Variants in LSAMP observed in about 807,000 individuals in gnomAD.
The protein encoded by LSAMP is limbic system associated membrane protein, also known as limbic system-associated membrane protein.
LSAMP carries 7 observed loss-of-function variants against 38.6 expected under a neutral mutation model. The ratio of observed to expected loss-of-function variants is 0.18; its 90% confidence interval spans 0.10 to 0.34. LSAMP has a LOEUF of 0.34. LSAMP is among the 10% of genes least tolerant of loss of function. The pLI is 1.00. For missense variants in LSAMP, 313 were observed against 420.0 expected (o/e 0.75, Z 2.23); for synonymous variants, 154 against 166.8 (o/e 0.92, Z 0.59).
intron 3 of LSAMP, among the ~76,000 whole-genome samples, chr3:115,958,101 C>A (rs1426537076): frequency 6.6e-6 from 1 of 152,130 alleles, no homozygotes; most frequent in Non-Finnish European, 1.5e-5. Flanking sequence ...TATGCACACA[C>A]ACATACATAC....
At chr3:116,395,973 T>C (rs1300729663) in intron 1 of LSAMP, among the ~76,000 whole-genome samples, 1 of 152,186 alleles carries the variant, frequency 6.6e-6, no homozygotes, top group Non-Finnish European at 1.5e-5. Flanking sequence ...CAATATTATT[T>C]AAATATTTTT....
chr3:115,823,150 A>G (rs1162538650), intron 6 of LSAMP, among the ~76,000 whole-genome samples: 1 of 152,248 alleles, frequency 6.6e-6, no homozygotes, highest in Non-Finnish European at 1.5e-5. Flanking sequence ...AAGGAAAAAT[A>G]TTAATGCGCC....
chr3:116,354,589 A>C (rs2048194059), intron 1 of LSAMP, among the ~76,000 whole-genome samples: 1 of 152,206 alleles, frequency 6.6e-6, no homozygotes, highest in Non-Finnish European at 1.5e-5. Context: ...GAGATGAAGG[A>C]GATCCTTCAA....
At chr3:115,915,942 CTT>C (rs1937242710) in intron 3 of LSAMP, among the ~76,000 whole-genome samples, 2 of 152,102 alleles carry the variant, frequency 1.3e-5, no homozygotes, top group Non-Finnish European at 1.5e-5. Context: ...ACTATGCTGA[CTT>C]TGGCCTAGAA....
At chr3:115,966,741 A>G (rs1324925805) in intron 3 of LSAMP, among the ~76,000 whole-genome samples, 3 of 152,248 alleles carry the variant, frequency 2.0e-5, no homozygotes, top group Non-Finnish European at 4.4e-5. Flanking sequence ...ATCCATAAGC[A>G]TAATGTTGAA....
intron 1 of LSAMP, among the ~76,000 whole-genome samples, chr3:116,338,333 G>T (rs1314925029): frequency 6.6e-6 from 1 of 151,856 alleles, no homozygotes; most frequent in South Asian, 2.1e-4. Context: ...TTAGTGACCT[G>T]CTCCTTATCA....
At chr3:116,217,878 G>A (rs2046239610) in intron 1 of LSAMP, among the ~76,000 whole-genome samples, 1 of 152,060 alleles carries the variant, frequency 6.6e-6, no homozygotes, top group Non-Finnish European at 1.5e-5. Flanking sequence ...ACCCTTGAGG[G>A]GCTCCTACCT....
At chr3:116,211,316 G>A (rs35253652) in intron 1 of LSAMP, among the ~76,000 whole-genome samples, 2,875 of 152,184 alleles carry the variant, frequency 0.019, 46 homozygotes, top group Middle Eastern at 0.089. Flanking sequence ...GTATACTTGC[G>A]AATTGCTAAG....
chr3:116,181,506 G>A (rs1348320293), intron 1 of LSAMP, among the ~76,000 whole-genome samples: 1 of 151,914 alleles, frequency 6.6e-6, no homozygotes, highest in Non-Finnish European at 1.5e-5. Context: ...TAATGACTTA[G>A]GACATCCAAA....
chr3:116,222,097 G>T (rs2046292227), intron 1 of LSAMP, among the ~76,000 whole-genome samples: 1 of 151,830 alleles, frequency 6.6e-6, no homozygotes. Context: ...CTAAAGATGG[G>T]TTTATACAAG....
intron 1 of LSAMP, among the ~76,000 whole-genome samples, chr3:116,169,037 C>CA (rs913212229): frequency 1.3e-5 from 2 of 152,010 alleles, no homozygotes; most frequent in African/African-American, 2.4e-5. Context: ...ACGGTTTTCA[C>CA]AAAAAATTTA....
At chr3:116,037,178 A>T (rs1941065781) in intron 2 of LSAMP, among the ~76,000 whole-genome samples, 2 of 152,214 alleles carry the variant, frequency 1.3e-5, no homozygotes, top group African/African-American at 2.4e-5. Flanking sequence ...CCATAGTGAA[A>T]CAATTCTATA....
chr3:116,059,833 G>A (rs1387760560), intron 2 of LSAMP, among the ~76,000 whole-genome samples: 2 of 152,164 alleles, frequency 1.3e-5, no homozygotes, highest in Non-Finnish European at 2.9e-5. Context: ...GTGAGTGCTT[G>A]TCTGAGTCAC....
chr3:115,825,893 A>T (rs1934391005), intron 6 of LSAMP, among the ~76,000 whole-genome samples: 1 of 152,046 alleles, frequency 6.6e-6, no homozygotes, highest in Non-Finnish European at 1.5e-5. Context: ...CTCACCTTTA[A>T]CTCCACTGGT....
intron 3 of LSAMP, among the ~76,000 whole-genome samples, chr3:115,914,780 C>T (rs547317885): frequency 2.0e-5 from 3 of 152,284 alleles, no homozygotes; most frequent in Non-Finnish European, 2.9e-5. Flanking sequence ...TAAAACCCTA[C>T]CTGTTGTGTC....
At chr3:116,258,868 C>A (rs2046789834) in intron 1 of LSAMP, among the ~76,000 whole-genome samples, 1 of 152,054 alleles carries the variant, frequency 6.6e-6, no homozygotes, top group Non-Finnish European at 1.5e-5. Flanking sequence ...TATGCATAAG[C>A]TTGTACCTTC....
chr3:115,834,433 A>T (rs1402262997), intron 6 of LSAMP: 1 of 713,502 alleles, frequency 1.4e-6, no homozygotes, highest in Non-Finnish European at 2.1e-6. Flanking sequence ...AAAAGGTTTA[A>T]GGGAAAAAAA....
chr3:116,118,790 A>G (rs1708810148), intron 1 of LSAMP, among the ~76,000 whole-genome samples: 1 of 152,186 alleles, frequency 6.6e-6, no homozygotes, highest in Admixed American at 6.5e-5. Flanking sequence ...TCAAATACAA[A>G]TCCAAATTTA....
At chr3:115,901,621 TC>T (rs1206332457) in intron 3 of LSAMP, among the ~76,000 whole-genome samples, 1 of 152,152 alleles carries the variant, frequency 6.6e-6, no homozygotes, top group African/African-American at 2.4e-5. Context: ...GTAATCGAAG[TC>T]AGAATATTGT....
Sources: allele counts gnomAD v4.1 joint callset (sites outside exome capture counted in the v4.1 genomes callset), GRCh38; gene constraint gnomAD v4.1.1; transcripts MANE v1.5; gene names NCBI Gene and HGNC (gene_info 2026-07-23, HGNC 2026-07-21).